SEPTIN7: variants seen among roughly 807,000 people sequenced by gnomAD.
SEPTIN7 encodes the protein septin-7.
SEPTIN7 carries 10 observed loss-of-function variants against 63.3 expected under a neutral mutation model. The ratio of observed to expected loss-of-function variants is 0.16; its 90% CI spans 0.10 to 0.27. The LOEUF (loss-of-function observed/expected upper bound fraction) is 0.27, where lower values mean the gene tolerates loss of function less well. SEPTIN7 is among the 10% of genes least tolerant of loss of function. SEPTIN7 has a pLI of 1.00. For missense variants in SEPTIN7, 310 were observed against 521.0 expected (o/e 0.59, Z 3.94); for synonymous variants, 131 against 165.3 (o/e 0.79, Z 1.59).
At chr7:35,827,921 G>T (rs907468799) in intron 1 of SEPTIN7, among the ~76,000 whole-genome samples, 4 of 152,032 alleles carry the variant, frequency 2.6e-5, no homozygotes, top group Non-Finnish European at 5.9e-5. Flanking sequence ...TTTTATCTTT[G>T]TACAGAGTTT....
At chr7:35,853,245 A>G (rs1356773022) in intron 3 of SEPTIN7, among the ~76,000 whole-genome samples, 2 of 152,146 alleles carry the variant, frequency 1.3e-5, no homozygotes, top group African/African-American at 4.8e-5. Flanking sequence ...CAGCCTGGGC[A>G]ACATAGTGAG....
At chr7:35,831,350 C>A in intron 1 of SEPTIN7, 142 bp from the exon 2 acceptor site, 2 of 219,402 alleles carry the variant, frequency 9.1e-6, no homozygotes, top group South Asian at 5.4e-5. Flanking sequence ...CTCTGTCTTG[C>A]TGTGTTTCAA....
chr7:35,882,853 AAAAC>A (rs1279549433), intron 8 of SEPTIN7, among the ~76,000 whole-genome samples: 1 of 152,052 alleles, frequency 6.6e-6, no homozygotes, highest in Non-Finnish European at 1.5e-5. Flanking sequence ...TTTCTCTTAA[AAAAC>A]AAGTGATGAG....
intron 1 of SEPTIN7, among the ~76,000 whole-genome samples, chr7:35,828,212 G>A (rs1387348619): frequency 6.6e-6 from 1 of 152,114 alleles, no homozygotes; most frequent in Non-Finnish European, 1.5e-5. Context: ...TAAGTTACCA[G>A]TGACCTTATT....
chr7:35,882,265 G>A (rs1299706839), intron 7 of SEPTIN7, among the ~76,000 whole-genome samples: 3 of 150,040 alleles, frequency 2.0e-5, no homozygotes, highest in Non-Finnish European at 3.0e-5. Context: ...CACTTCGGAA[G>A]TAATTGGATT....
At chr7:35,876,540 A>C (rs1786483295) in intron 6 of SEPTIN7, among the ~76,000 whole-genome samples, 1 of 152,174 alleles carries the variant, frequency 6.6e-6, no homozygotes, top group African/African-American at 2.4e-5. Flanking sequence ...TTTTTTTTCA[A>C]AAATGGATAG....
At chr7:35,826,122 T>C (rs769334518) in intron 1 of SEPTIN7, among the ~76,000 whole-genome samples, 25 of 152,068 alleles carry the variant, frequency 1.6e-4, no homozygotes, top group Non-Finnish European at 3.7e-4. Flanking sequence ...ATACTTAAAA[T>C]ATTTAAAACA....
chr7:35,836,042 T>C (rs1784072732), intron 3 of SEPTIN7, among the ~76,000 whole-genome samples: 1 of 152,194 alleles, frequency 6.6e-6, no homozygotes, highest in South Asian at 2.1e-4. Flanking sequence ...GGTGTAACTT[T>C]ACAATTAAAA....
intron 1 of SEPTIN7, among the ~76,000 whole-genome samples, chr7:35,808,106 C>T (rs1031740966): frequency 3.3e-5 from 5 of 152,064 alleles, no homozygotes; most frequent in Admixed American, 6.6e-5. Context: ...TGCAAGCCAC[C>T]GCACCCAGCC....
intron 9 of SEPTIN7, among the ~76,000 whole-genome samples, chr7:35,884,575 A>C (rs904378078): frequency 1.3e-5 from 2 of 152,192 alleles, no homozygotes; most frequent in African/African-American, 4.8e-5. Flanking sequence ...CTAATGAACC[A>C]CCTGGAATCA....
At chr7:35,866,326 C>T (rs1158746448) in intron 4 of SEPTIN7, among the ~76,000 whole-genome samples, 3 of 152,174 alleles carry the variant, frequency 2.0e-5, no homozygotes, top group African/African-American at 7.2e-5. Context: ...TGGCTGGCTC[C>T]TTACCAAGCC....
chr7:35,833,561 A>G (rs1783938686), intron 3 of SEPTIN7, among the ~76,000 whole-genome samples: 3 of 152,016 alleles, frequency 2.0e-5, no homozygotes, highest in Admixed American at 2.0e-4. Context: ...AAGATTAGTT[A>G]TCTTCAATAA....
At chr7:35,894,388 G>A (rs1385008969) in intron 11 of SEPTIN7, among the ~76,000 whole-genome samples, 3 of 151,996 alleles carry the variant, frequency 2.0e-5, no homozygotes, top group African/African-American at 7.2e-5. Flanking sequence ...CTTTATAAGT[G>A]AATGACTAAA....
At chr7:35,865,972 ACT>A (rs1785787915) in intron 4 of SEPTIN7, among the ~76,000 whole-genome samples, 1 of 152,108 alleles carries the variant, frequency 6.6e-6, no homozygotes, top group Non-Finnish European at 1.5e-5. Context: ...CTTCCCAGAA[ACT>A]CTCTTTATCT....
At chr7:35,803,165 C>T in intron 1 of SEPTIN7, 1 of 965,620 alleles carries the variant, frequency 1.0e-6, no homozygotes, top group Non-Finnish European at 1.2e-6. Flanking sequence ...TTGTTGCAGG[C>T]TTTGGTTTGG....
chr7:35,898,657 A>G, intron 12 of SEPTIN7: 1 of 240,230 alleles, frequency 4.2e-6, no homozygotes, highest in Non-Finnish European at 8.0e-6. Context: ...AACAAGTTTG[A>G]GTTGTGAAAA....
intron 3 of SEPTIN7, among the ~76,000 whole-genome samples, chr7:35,835,256 G>A (rs1186708667): frequency 6.6e-6 from 1 of 152,100 alleles, no homozygotes; most frequent in Non-Finnish European, 1.5e-5. Flanking sequence ...GAAAAGGGAG[G>A]CATTAGGACA....
At chr7:35,880,253 T>C (rs1786793137) in intron 7 of SEPTIN7, among the ~76,000 whole-genome samples, 1 of 148,070 alleles carries the variant, frequency 6.8e-6, no homozygotes. Flanking sequence ...TGAATTATTT[T>C]CTTAGAATGA....
chr7:35,865,494 CATTGTGTGAA>C (rs1365050882), intron 4 of SEPTIN7, among the ~76,000 whole-genome samples: 4 of 151,918 alleles, frequency 2.6e-5, no homozygotes, highest in African/African-American at 9.7e-5. Context: ...TATGCTACTC[CATTGTGTGAA>C]TGTATCAGTA....
Sources: allele counts gnomAD v4.1 joint callset (sites outside exome capture counted in the v4.1 genomes callset), GRCh38; gene constraint gnomAD v4.1.1; transcripts MANE v1.5; gene names NCBI Gene and HGNC (gene_info 2026-07-23, HGNC 2026-07-21).